Variants in GALNT13 observed in about 807,000 individuals in gnomAD.
GALNT13 encodes the protein UDP-GalNAc:polypeptide N-acetylgalactosaminyltransferase 13.
GALNT13 carries 28 observed loss-of-function variants against 64.2 expected under a neutral mutation model. That is an observed-to-expected ratio of 0.44 (90% CI 0.32 to 0.60). The LOEUF (loss-of-function observed/expected upper bound fraction) is 0.60. Ranked by LOEUF, GALNT13 falls within the 20% of genes least tolerant of loss-of-function variation. GALNT13 has a pLI of 0.05. For synonymous variants in GALNT13, 214 were observed against 224.6 expected (o/e 0.95, Z 0.42); for missense variants, 577 against 669.8 (o/e 0.86, Z 1.53).
At chr2:154,404,210 G>T (rs1699425901) in intron 10 of GALNT13, among the ~76,000 whole-genome samples, 1 of 152,138 alleles carries the variant, frequency 6.6e-6, no homozygotes, top group Non-Finnish European at 1.5e-5. Context: ...AAACCACATT[G>T]AATGTGGAGT....
intron 3 of GALNT13, among the ~76,000 whole-genome samples, chr2:154,004,206 A>C (rs1240471056): frequency 7.0e-6 from 1 of 143,728 alleles, no homozygotes; most frequent in Admixed American, 6.8e-5. Context: ...ATTTCCTTTA[A>C]TTTTTTTTTG....
the GALNT13 span, among the ~76,000 whole-genome samples, chr2:153,660,848 A>G: frequency 6.6e-6 from 1 of 152,126 alleles, no homozygotes; most frequent in Admixed American, 6.6e-5. Context: ...CAGATGTGAT[A>G]TAGTCACATA....
At chr2:153,733,751 G>C in the GALNT13 span, among the ~76,000 whole-genome samples, 1 of 152,216 alleles carries the variant, frequency 6.6e-6, no homozygotes, top group South Asian at 2.1e-4. Context: ...CAGGCATGTA[G>C]TGGTAGTATT....
chr2:153,727,779 G>A, the GALNT13 span, among the ~76,000 whole-genome samples: 1 of 151,614 alleles, frequency 6.6e-6, no homozygotes, highest in African/African-American at 2.4e-5. Flanking sequence ...TGCTGAACAT[G>A]TAGGTTTGTT....
chr2:153,518,804 T>G, the GALNT13 span, among the ~76,000 whole-genome samples: 1 of 152,258 alleles, frequency 6.6e-6, no homozygotes, highest in South Asian at 2.1e-4. Flanking sequence ...GAGCCTTTTC[T>G]TATCAGTCCC....
chr2:154,063,203 T>C (rs1700284763), intron 3 of GALNT13, among the ~76,000 whole-genome samples: 1 of 152,220 alleles, frequency 6.6e-6, no homozygotes, highest in Admixed American at 6.5e-5. Context: ...AAGGAAGCAG[T>C]GGTCTTAGAA....
At position 154,098,928 on chromosome 2, in the gene GALNT13, T is replaced by C. The variant is rs188824824; in HGVS notation, c.143-41409T>C. Among the ~76,000 whole-genome samples the C allele has an allele frequency of 3.5e-3, 537 of 151,710 alleles. 3 individuals carry two copies. The highest frequency in any genetic ancestry group is 0.012 in the African/African-American group (510 of 41,374). On this transcript the variant is annotated intron_variant, in intron 3 of 12. Coordinates refer to ENST00000392825, the MANE Select transcript of GALNT13 (RefSeq NM_052917.4). ...ATAATGATTTTTTTTTTCCTTTGGG[T>C]AGATACACAGTAGTGGAGTTGCTGA...
chr2:154,038,597 A>G (rs756263571), intron 3 of GALNT13, among the ~76,000 whole-genome samples: 1 of 152,162 alleles, frequency 6.6e-6, no homozygotes, highest in African/African-American at 2.4e-5. Flanking sequence ...CCACTTGTCA[A>G]ATACAAATAT....
the GALNT13 span, among the ~76,000 whole-genome samples, chr2:153,302,784 A>G: frequency 6.6e-6 from 1 of 152,166 alleles, no homozygotes; most frequent in Non-Finnish European, 1.5e-5. Flanking sequence ...TTCCAACACC[A>G]TTTATTGAAG....
chr2:154,264,793 GAAAA>G (rs34673909), intron 8 of GALNT13, among the ~76,000 whole-genome samples: 1 of 140,380 alleles, frequency 7.1e-6, no homozygotes, highest in Admixed American at 7.0e-5. Context: ...TATCAGAAAA[GAAAA>G]AAAAAAAAAA....
chr2:153,970,258 C>G (rs1359878101), intron 3 of GALNT13, among the ~76,000 whole-genome samples: 1 of 152,186 alleles, frequency 6.6e-6, no homozygotes, highest in Non-Finnish European at 1.5e-5. Context: ...TTCCATATTG[C>G]TAAGTCCAAT....
At chr2:153,726,101 G>A in the GALNT13 span, among the ~76,000 whole-genome samples, 4 of 152,012 alleles carry the variant, frequency 2.6e-5, no homozygotes, top group African/African-American at 9.7e-5. Context: ...ACATTTTAAT[G>A]TATATTTGGA....
chr2:154,056,900 G>A (rs903946832), intron 3 of GALNT13, among the ~76,000 whole-genome samples: 3 of 151,684 alleles, frequency 2.0e-5, no homozygotes, highest in East Asian at 1.9e-4. Flanking sequence ...TTAGTTTTAG[G>A]TTGAGTTTCT....
chr2:153,178,467 G>C, the GALNT13 span, among the ~76,000 whole-genome samples: 2 of 152,028 alleles, frequency 1.3e-5, no homozygotes, highest in African/African-American at 4.8e-5. Flanking sequence ...AAGTGATGTT[G>C]AATATTTTGT....
At chr2:153,571,925 TTGTTAGGTTTTGGTA>T in the GALNT13 span, among the ~76,000 whole-genome samples, 3,475 of 151,932 alleles carry the variant, frequency 0.023, 131 homozygotes, top group African/African-American at 0.078. Flanking sequence ...TGATGTGTGT[TTGTTAGGTTTTGGTA>T]TCAGGGTAAT....
At chr2:153,465,856 A>C in the GALNT13 span, among the ~76,000 whole-genome samples, 2 of 152,046 alleles carry the variant, frequency 1.3e-5, no homozygotes, top group Non-Finnish European at 2.9e-5. Context: ...GGAAGATGTA[A>C]GAAAAAGTCA....
At chr2:153,810,896 G>A in the GALNT13 span, among the ~76,000 whole-genome samples, 1 of 152,128 alleles carries the variant, frequency 6.6e-6, no homozygotes, top group Non-Finnish European at 1.5e-5. Flanking sequence ...AACATCACAT[G>A]TGATTTGTAC....
intron 2 of GALNT13, among the ~76,000 whole-genome samples, chr2:153,906,680 A>C (rs1306505224): frequency 6.6e-6 from 1 of 151,708 alleles, no homozygotes; most frequent in Non-Finnish European, 1.5e-5. Context: ...AGTCTTTGCT[A>C]TTGTGAATAG....
the GALNT13 span, among the ~76,000 whole-genome samples, chr2:153,617,020 T>G: frequency 6.6e-6 from 1 of 151,994 alleles, no homozygotes; most frequent in African/African-American, 2.4e-5. Context: ...AACAGCCACT[T>G]TCAGCATTGG....
Sources: gnomAD v4.1 joint callset for allele counts (sites outside exome capture counted in the v4.1 genomes callset) on GRCh38, gnomAD v4.1.1 for gene constraint, MANE v1.5 for transcripts, NCBI Gene and HGNC (gene_info 2026-07-23, HGNC 2026-07-21) for gene names.